ASTN2: variants seen among roughly 807,000 people sequenced by gnomAD.
ASTN2 encodes the protein astrotactin-2.
A neutral mutation model predicts 139.8 loss-of-function variants in ASTN2; 54 were observed. The ratio of observed to expected loss-of-function variants is 0.39; its 90% confidence interval spans 0.31 to 0.48. The LOEUF (loss-of-function observed/expected upper bound fraction) is 0.48. ASTN2 is among the 20% of genes least tolerant of loss of function. The pLI, the probability that ASTN2 is intolerant of heterozygous loss-of-function variation, is 0.95. For missense variants in ASTN2, 1,565 were observed against 1,725.1 expected (o/e 0.91, Z 1.64); for synonymous variants, 756 against 719.5 (o/e 1.05, Z -0.81).
chr9:116,838,266 C>T (rs565817776), intron 11 of ASTN2, among the ~76,000 whole-genome samples: 74 of 151,740 alleles, frequency 4.9e-4, no homozygotes, highest in African/African-American at 1.5e-3. Flanking sequence ...TGCACCAACA[C>T]GCCTGGCTAA....
chr9:116,625,074 T>C (rs1856374992), intron 17 of ASTN2, among the ~76,000 whole-genome samples: 2 of 152,192 alleles, frequency 1.3e-5, no homozygotes, highest in Non-Finnish European at 2.9e-5. Flanking sequence ...GTATCTCCCA[T>C]GTCAGTTTGG....
chr9:116,718,170 G>T (rs994393235), intron 16 of ASTN2, among the ~76,000 whole-genome samples: 1 of 152,168 alleles, frequency 6.6e-6, no homozygotes, highest in Non-Finnish European at 1.5e-5. Flanking sequence ...GGTTTTCTGA[G>T]AAAGTGACAT....
chr9:117,133,104 T>C (rs117110597), intron 4 of ASTN2, among the ~76,000 whole-genome samples: 4 of 152,286 alleles, frequency 2.6e-5, no homozygotes, highest in Non-Finnish European at 5.9e-5. Flanking sequence ...TCTGAATTGT[T>C]TAGTGTACAA....
At chr9:116,825,257 G>A (rs1024179012) in intron 11 of ASTN2, among the ~76,000 whole-genome samples, 3 of 152,158 alleles carry the variant, frequency 2.0e-5, no homozygotes, top group Admixed American at 6.5e-5. Context: ...ACAGCCTCAG[G>A]TTCCTCATCT....
intron 10 of ASTN2, among the ~76,000 whole-genome samples, chr9:116,871,759 ATGCTGCTATG>A (rs759040051): frequency 5.2e-4 from 79 of 152,322 alleles, no homozygotes; most frequent in Non-Finnish European, 1.0e-3. Context: ...ACTATGACTA[ATGCTGCTATG>A]AACATTCATA....
At chr9:116,908,681 C>A (rs1339157527) in intron 10 of ASTN2, among the ~76,000 whole-genome samples, 1 of 152,110 alleles carries the variant, frequency 6.6e-6, no homozygotes, top group Non-Finnish European at 1.5e-5. Context: ...TGAGAATTAG[C>A]CCACATTTGA....
In ASTN2 at chr9:117,207,633, C is replaced by T. The variant is rs142749743; in HGVS notation, c.1015+6725G>A. On this transcript the variant is annotated intron_variant, in intron 3 of 22. Coordinates refer to ENST00000313400, the MANE Select transcript of ASTN2 (RefSeq NM_001365068.1). ...TCCCCAGGCCAGCTGAAAAGCTATACTCCCACATTCTGAGCCTGAGAAACA... is the reference window on the plus strand; with the variant it reads ...TCCCCAGGCCAGCTGAAAAGCTATATTCCCACATTCTGAGCCTGAGAAACA... 8.5e-3 allele frequency among the ~76,000 whole-genome samples: 1,297 copies of T among 152,138 alleles called. 24 individuals carry two copies. The highest frequency in any genetic ancestry group is 0.03 in the African/African-American group (1,238 of 41,516).
chr9:116,743,276 C>T (rs988903650), intron 13 of ASTN2, among the ~76,000 whole-genome samples: 3 of 152,146 alleles, frequency 2.0e-5, no homozygotes, highest in African/African-American at 7.2e-5. Flanking sequence ...CTTGGCCGGG[C>T]ATGGTGGCTT....
At chr9:117,151,156 G>A (rs1180013855) in intron 3 of ASTN2, among the ~76,000 whole-genome samples, 2 of 151,778 alleles carry the variant, frequency 1.3e-5, no homozygotes, top group African/African-American at 4.8e-5. Context: ...CCACCATGCC[G>A]TGCTATTGAC....
intron 6 of ASTN2, among the ~76,000 whole-genome samples, chr9:117,012,961 C>G (rs1403697741): frequency 6.6e-6 from 1 of 152,146 alleles, no homozygotes; most frequent in Non-Finnish European, 1.5e-5. Flanking sequence ...AACTTATAGC[C>G]CAGAAAGGAA....
chr9:116,687,533 G>C (rs1246235935), intron 16 of ASTN2, among the ~76,000 whole-genome samples: 1 of 145,418 alleles, frequency 6.9e-6, no homozygotes, highest in African/African-American at 2.6e-5. Context: ...CAGGACTAGG[G>C]TGGGGGTGGG....
chr9:116,828,668 A>G (rs1183904358), intron 11 of ASTN2, among the ~76,000 whole-genome samples: 1 of 152,194 alleles, frequency 6.6e-6, no homozygotes. Context: ...ATCCCCTTTC[A>G]ACACTCTTAT....
At chr9:116,732,507 G>C (rs189922839) in intron 14 of ASTN2, among the ~76,000 whole-genome samples, 24 of 152,306 alleles carry the variant, frequency 1.6e-4, no homozygotes, top group African/African-American at 4.6e-4. Context: ...CAGTGAAAGA[G>C]CTCTATTATC....
At chr9:117,197,991 G>C (rs1396921650) in intron 3 of ASTN2, among the ~76,000 whole-genome samples, 1 of 122,700 alleles carries the variant, frequency 8.1e-6, no homozygotes, top group African/African-American at 2.5e-5. Context: ...CTGTTTTTAA[G>C]ATTTTTTTTC....
chr9:117,168,623 T>A (rs1830721479), intron 3 of ASTN2, among the ~76,000 whole-genome samples: 1 of 152,146 alleles, frequency 6.6e-6, no homozygotes, highest in Non-Finnish European at 1.5e-5. Flanking sequence ...ACATATGCCC[T>A]GTAATCAATC....
chr9:116,997,605 A>G (rs1837063092), intron 7 of ASTN2, among the ~76,000 whole-genome samples: 1 of 152,182 alleles, frequency 6.6e-6, no homozygotes, highest in African/African-American at 2.4e-5. Context: ...ATGCTAAGCA[A>G]ATTTCCTCAC....
intron 2 of ASTN2, among the ~76,000 whole-genome samples, chr9:117,256,669 G>A (rs1833695066): frequency 6.6e-6 from 1 of 152,128 alleles, no homozygotes; most frequent in Non-Finnish European, 1.5e-5. Flanking sequence ...TAAGAATACG[G>A]AAAAGGGAAA....
chr9:117,377,336 T>C (rs1564173963), intron 1 of ASTN2, among the ~76,000 whole-genome samples: 1 of 152,186 alleles, frequency 6.6e-6, no homozygotes, highest in South Asian at 2.1e-4. Flanking sequence ...TTGGAAGCTA[T>C]GCAGGCACTA....
chr9:116,971,604 T>C (rs902966196), intron 10 of ASTN2, among the ~76,000 whole-genome samples: 2 of 152,186 alleles, frequency 1.3e-5, no homozygotes, highest in South Asian at 2.1e-4. Flanking sequence ...TCAAAGCCCA[T>C]GACAAAGTGG....
Sources: allele counts gnomAD v4.1 joint callset (sites outside exome capture counted in the v4.1 genomes callset), GRCh38; gene constraint gnomAD v4.1.1; transcripts MANE v1.5; gene names NCBI Gene and HGNC (gene_info 2026-07-23, HGNC 2026-07-21).